AQR: variants seen among roughly 807,000 people sequenced by gnomAD.
The protein encoded by AQR is RNA helicase aquarius.
Under a neutral mutation model 180.5 loss-of-function variants are expected in AQR, and 61 were observed. The observed-to-expected ratio is 0.34, with a 90% confidence interval of 0.28 to 0.42. The LOEUF (loss-of-function observed/expected upper bound fraction) is 0.42, where lower values mean the gene tolerates loss of function less well. AQR is among the 10% of genes least tolerant of loss of function. The probability of loss-of-function intolerance (pLI) is 1.00; values close to 1 mark genes in which losing one functional copy is unlikely to be tolerated. For missense variants in AQR, 1,281 were observed against 1,798.3 expected (o/e 0.71, Z 5.20); for synonymous variants, 551 against 588.8 (o/e 0.94, Z 0.93).
chr15:34,908,360 C>T (rs1014105131), intron 17 of AQR, among the ~76,000 whole-genome samples: 1 of 151,950 alleles, frequency 6.6e-6, no homozygotes, highest in African/African-American at 2.4e-5. Context: ...TGTTTGAACC[C>T]AGGAGGTGGA....
Position 34,938,740 on chromosome 15 carries a change from A to C in AQR, c.715T>G (p.Ser239Ala). The change falls in exon 9 of 35, where the codon TCT becomes GCT. Residue 239 changes from serine to alanine, a missense_variant. Coordinates refer to ENST00000156471, the MANE Select transcript of AQR (RefSeq NM_014691.3). ...CACTGAGTAAAAAAGAAGATACCAGAAAGTGGGACTGATTTCAGCACAGAG... is the reference window on the plus strand; with the variant it reads ...CACTGAGTAAAAAAGAAGATACCAGCAAGTGGGACTGATTTCAGCACAGAG... ...FISVLKSVPL[S>A]EPVTMDKVHY... 6.7e-7 allele frequency: 1 copy of C among 1,481,756 alleles called. No homozygotes were observed. Among genetic ancestry groups the C allele is most frequent in the South Asian group, 1.2e-5 (1 of 84,956 alleles). The allele number at this position is 1,481,756 out of a possible 1,614,324, so 91.8% of individuals were successfully genotyped here. A position where few individuals can be genotyped will look rare whatever the true frequency, so the allele number is the denominator to read the frequency against.
At position 34,964,288 on chromosome 15, in the gene AQR, T is replaced by C; in HGVS notation, c.78A>G (p.Leu26=). The C allele has an allele frequency of 6.2e-7, 1 of 1,603,870 alleles. No homozygotes were observed. The highest frequency in any genetic ancestry group is 8.5e-7 in the Non-Finnish European group (1 of 1,172,314). ...TGTGGGGAGCCCAGTATTTACATGC[T>C]AACTGCAAAGTAAACAGTATAAACA... is the stretch of plus-strand genomic sequence containing the variant. ...SQINAEFVTQ[L]ACKYWAPHIK... Residue 26 remains leucine (L), a splice_region_variant and synonymous_variant, in exon 2 of 35, where the codon TTA becomes TTG. Transcript: ENST00000156471.
At position 34,969,668 on chromosome 15, in the gene AQR, G is replaced by A; in HGVS notation, c.-55C>T. ...AACTAAAGGACCGCTCTGGGCAGCG[G>A]CAACCCTGGTCCACTTCCCTTAAGT... On this transcript the variant is annotated 5_prime_UTR_variant, in exon 1 of 35. Coordinates refer to ENST00000156471, the MANE Select transcript of AQR (RefSeq NM_014691.3). 2.5e-6 allele frequency: 4 copies of A among 1,572,514 alleles called. No homozygotes were observed. Among genetic ancestry groups the A allele is most frequent in the South Asian group, 1.1e-5 (1 of 88,250 alleles).
intron 16 of AQR, among the ~76,000 whole-genome samples, chr15:34,913,410 A>G (rs965617454): frequency 2.6e-5 from 4 of 152,186 alleles, no homozygotes; most frequent in Non-Finnish European, 5.9e-5. Context: ...TTCAAGATAC[A>G]TGAAACAGAA....
At position 34,901,176 on chromosome 15, in the gene AQR, G is replaced by T. The variant is rs553984495; in HGVS notation, c.2002-313C>A. Among the ~76,000 whole-genome samples, 9 of 152,200 alleles carry T rather than the reference G, an allele frequency of 5.9e-5. No homozygotes were observed. The South Asian group carries it at 1.9e-3, about 32-fold the overall frequency. ...TGAGTAGGATGAAAACCAGACTCAG[G>T]TGGACACAGCAGTAAAAAAAACAAT... On this transcript the variant is annotated intron_variant, in intron 19 of 34. Coordinates refer to ENST00000156471, the MANE Select transcript of AQR (RefSeq NM_014691.3).
chr15:34,864,239 C>T (rs1595779929), intron 32 of AQR, among the ~76,000 whole-genome samples: 1 of 152,090 alleles, frequency 6.6e-6, no homozygotes, highest in East Asian at 1.9e-4. Flanking sequence ...AGTGTGACAC[C>T]AGCATATGCT....
Position 34,884,708 on chromosome 15 carries a change from GA to G in AQR, c.2843del (p.Ile948ThrfsTer4). On this transcript the variant is annotated frameshift_variant, in exon 26 of 35. Coordinates refer to ENST00000156471, the MANE Select transcript of AQR (RefSeq NM_014691.3). LOFTEE classifies it high-confidence loss of function. ...TACTACCTTTATTTTTCACTTTGCT[GA>G]TATACTCTTCCCAGCGAGACATTAC... is the stretch of plus-strand genomic sequence containing the variant. ...YQVMSRWEEY[I>X]SKVKNKGSTL... 1 of 1,603,828 alleles carries G rather than the reference GA, an allele frequency of 6.2e-7. No homozygotes were observed. Among genetic ancestry groups the G allele is most frequent in the Non-Finnish European group, 8.5e-7 (1 of 1,177,212 alleles).
intron 23 of AQR, among the ~76,000 whole-genome samples, chr15:34,891,337 C>G (rs191599913): frequency 6.6e-6 from 1 of 152,164 alleles, no homozygotes; most frequent in Admixed American, 6.5e-5. Context: ...AAAAACAAAA[C>G]CCCCACAAAC....
intron 10 of AQR, among the ~76,000 whole-genome samples, chr15:34,933,849 C>T (rs373609099): frequency 2.6e-5 from 4 of 152,142 alleles, no homozygotes; most frequent in Non-Finnish European, 4.4e-5. Flanking sequence ...CGGTGGCTCA[C>T]GCCTATAATC....
chr15:34,941,605 G>C (rs912433679), intron 7 of AQR, among the ~76,000 whole-genome samples: 3 of 152,010 alleles, frequency 2.0e-5, no homozygotes, highest in Non-Finnish European at 4.4e-5. Flanking sequence ...ATTTGGCTTT[G>C]GTACCTGCAC....
intron 30 of AQR, 67 bp from the exon 31 acceptor site, chr15:34,870,989 C>T: frequency 6.6e-7 from 1 of 1,516,032 alleles, no homozygotes; most frequent in African/African-American, 1.4e-5. Flanking sequence ...GAGAAAATAT[C>T]TCATCTAGAT....
At chr15:34,941,194 C>T (rs1894017009) in intron 7 of AQR, among the ~76,000 whole-genome samples, 195 bp from the exon 8 acceptor site, 1 of 152,150 alleles carries the variant, frequency 6.6e-6, no homozygotes, top group African/African-American at 2.4e-5. Flanking sequence ...AACTCTAGCT[C>T]TTGTTAATAA....
At chr15:34,942,939 T>C in intron 6 of AQR, 1 of 941,126 alleles carries the variant, frequency 1.1e-6, no homozygotes, top group South Asian at 1.7e-5. Flanking sequence ...GCTAAAACTA[T>C]CACCAAATTA....
intron 16 of AQR, among the ~76,000 whole-genome samples, chr15:34,913,729 A>G (rs529987525): frequency 6.6e-6 from 1 of 152,356 alleles, no homozygotes; most frequent in Non-Finnish European, 1.5e-5. Context: ...GAATCTGAGC[A>G]TATAAACTCA....
chr15:34,858,320 C>CAAAA (rs57627687), intron 34 of AQR, among the ~76,000 whole-genome samples: 497 of 85,140 alleles, frequency 5.8e-3, no homozygotes, highest in Non-Finnish European at 7.8e-3. Flanking sequence ...ACGACAGCAG[C>CAAAA]AAAAAAAAAA....
chr15:34,855,841 G>GC lies in AQR; in HGVS notation c.*950dup, dbSNP rs1305108191. ...TTGGTTCACAAATCATACTTGAGTA[G>GC]CAAGGTCCCAGGTACCTCTGCCTTC... is the stretch of plus-strand genomic sequence containing the variant. On this transcript the variant is annotated 3_prime_UTR_variant, in exon 35 of 35. Coordinates refer to ENST00000156471, the MANE Select transcript of AQR (RefSeq NM_014691.3). 3 of 152,148 alleles carry GC rather than the reference G, an allele frequency of 2.0e-5. No individual in the cohort carries two copies. The highest frequency in any genetic ancestry group is 7.2e-5 in the African/African-American group (3 of 41,412). 9.4% of individuals were successfully genotyped at this position (152,148 alleles called of 1,614,324 possible). A position where few individuals can be genotyped will look rare whatever the true frequency, so the allele number is the denominator to read the frequency against.
intron 16 of AQR, among the ~76,000 whole-genome samples, chr15:34,911,160 C>T (rs968385512): frequency 6.6e-6 from 1 of 152,126 alleles, no homozygotes; most frequent in African/African-American, 2.4e-5. Flanking sequence ...TATATATGTA[C>T]ACACACACCA....
In AQR at chr15:34,918,397, G is replaced by T. The variant is rs773043615; in HGVS notation, c.1222-19C>A. ...GAGATACCTAAAATAAAGGAAACAA[G>T]TTCATGCAGAAGGTTAGAAGCATCT... On this transcript the variant is annotated intron_variant, in intron 14 of 34. Coordinates refer to ENST00000156471, the MANE Select transcript of AQR (RefSeq NM_014691.3). 2 of 1,609,700 alleles carry T rather than the reference G, an allele frequency of 1.2e-6. No individual in the cohort carries two copies. Among genetic ancestry groups the T allele is most frequent in the South Asian group, 1.1e-5 (1 of 90,016 alleles).
intron 1 of AQR, among the ~76,000 whole-genome samples, chr15:34,966,187 T>C (rs2050308992): frequency 1.3e-5 from 2 of 151,716 alleles, no homozygotes; most frequent in East Asian, 1.9e-4. Context: ...TATAATGGTA[T>C]AAAAAAGTGA....
Sources: allele counts gnomAD v4.1 joint callset (sites outside exome capture counted in the v4.1 genomes callset), GRCh38; gene constraint gnomAD v4.1.1; transcripts MANE v1.5; gene names NCBI Gene and HGNC (gene_info 2026-07-23, HGNC 2026-07-21).